KLF12: variants seen among roughly 807,000 people sequenced by gnomAD.
KLF12 encodes the protein KLF transcription factor 12, also known as Krueppel-like factor 12.
Under a neutral mutation model 37.8 loss-of-function variants are expected in KLF12, and 9 were observed. That is an observed-to-expected ratio of 0.24 (90% CI 0.14 to 0.42). KLF12 has a LOEUF of 0.42. Ranked by LOEUF, KLF12 falls within the 10% of genes least tolerant of loss-of-function variation. The probability of loss-of-function intolerance (pLI) is 1.00; values close to 1 mark genes in which losing one functional copy is unlikely to be tolerated. For synonymous variants in KLF12, 208 were observed against 202.1 expected (o/e 1.03, Z -0.25); for missense variants, 411 against 516.0 (o/e 0.80, Z 1.97).
intron 1 of KLF12, among the ~76,000 whole-genome samples, chr13:74,065,388 G>T (rs1489574505): frequency 6.6e-6 from 1 of 152,166 alleles, no homozygotes; most frequent in Non-Finnish European, 1.5e-5. Context: ...AGACACTTGT[G>T]TAACTATGTC....
chr13:74,246,169 C>T, the KLF12 span, among the ~76,000 whole-genome samples: 2 of 152,268 alleles, frequency 1.3e-5, no homozygotes, highest in Admixed American at 6.5e-5. Context: ...AATTTCAGAT[C>T]GGCTTCTGTT....
At position 73,828,073 on chromosome 13, in the gene KLF12, G is replaced by GT. The variant is rs373909952; in HGVS notation, c.671-14787dup. 2.9e-4 allele frequency among the ~76,000 whole-genome samples: 44 copies of GT among 150,318 alleles called. 1 individual carries two copies. Among genetic ancestry groups the GT allele is most frequent in the African/African-American group, 5.6e-4 (23 of 40,956 alleles). On this transcript the variant is annotated intron_variant, in intron 4 of 7. Transcript: ENST00000377669. ...CTCAGTCAATGTATGTCTGAATTTT[G>GT]TTTTTTTTTAATTTCACTCTTAATG...
intron 4 of KLF12, among the ~76,000 whole-genome samples, chr13:73,830,550 A>T (rs1287541167): frequency 1.3e-5 from 2 of 152,226 alleles, no homozygotes; most frequent in African/African-American, 4.8e-5. Context: ...CTGTAATGTT[A>T]TAATGATTAT....
intron 6 of KLF12, among the ~76,000 whole-genome samples, chr13:73,730,019 C>A (rs1471097354): frequency 6.6e-6 from 1 of 152,136 alleles, no homozygotes; most frequent in African/African-American, 2.4e-5. Context: ...GTTCTCAGAA[C>A]GACCTTGGCC....
At chr13:73,816,592 T>C (rs1352012541) in intron 4 of KLF12, among the ~76,000 whole-genome samples, 1 of 152,214 alleles carries the variant, frequency 6.6e-6, no homozygotes, top group Admixed American at 6.5e-5. Flanking sequence ...TACTCTCCTA[T>C]GGTAGATTGT....
At chr13:74,170,801 G>T in the KLF12 span, among the ~76,000 whole-genome samples, 2 of 152,150 alleles carry the variant, frequency 1.3e-5, no homozygotes, top group Non-Finnish European at 2.9e-5. Context: ...GTCTCACTCT[G>T]TCACTCAGGC....
At chr13:74,246,325 C>T in the KLF12 span, among the ~76,000 whole-genome samples, 2 of 152,126 alleles carry the variant, frequency 1.3e-5, no homozygotes, top group Admixed American at 1.3e-4. Context: ...AGGTGGGTGG[C>T]TCCCATTGAA....
intron 3 of KLF12, among the ~76,000 whole-genome samples, chr13:73,885,480 C>A (rs1887177502): frequency 1.3e-5 from 2 of 152,222 alleles, no homozygotes; most frequent in South Asian, 2.1e-4. Flanking sequence ...CCTCCAGACC[C>A]ATCTTCTGCA....
chr13:74,072,364 A>AATAT (rs773653636), intron 1 of KLF12, among the ~76,000 whole-genome samples: 4,188 of 62,384 alleles, frequency 0.067, 224 homozygotes, highest in Non-Finnish European at 0.082. Context: ...AAGAAATACA[A>AATAT]ATATATATAT....
intron 1 of KLF12, among the ~76,000 whole-genome samples, chr13:74,112,149 T>G: frequency 6.6e-6 from 1 of 152,126 alleles, no homozygotes; most frequent in Non-Finnish European, 1.5e-5. Context: ...TCCCAAAGAA[T>G]AGTTTTTACA....
chr13:74,271,947 A>G, the KLF12 span, among the ~76,000 whole-genome samples: 2 of 152,168 alleles, frequency 1.3e-5, no homozygotes, highest in Admixed American at 1.3e-4. Context: ...TTTATAAAAA[A>G]CTTTCTGAAA....
intron 3 of KLF12, among the ~76,000 whole-genome samples, chr13:73,894,739 G>C (rs950030878): frequency 1.3e-5 from 2 of 152,072 alleles, no homozygotes; most frequent in African/African-American, 2.4e-5. Flanking sequence ...GAGGTTGTTG[G>C]CTTATCTTCT....
chr13:74,036,142 C>G (rs141671638), intron 1 of KLF12, among the ~76,000 whole-genome samples: 5 of 152,274 alleles, frequency 3.3e-5, no homozygotes, highest in African/African-American at 1.2e-4. Context: ...ACCACCCACT[C>G]TCTAAGTCTT....
At chr13:74,247,591 G>A in the KLF12 span, among the ~76,000 whole-genome samples, 3 of 152,190 alleles carry the variant, frequency 2.0e-5, no homozygotes, top group Admixed American at 2.0e-4. Context: ...AAACCAAGGT[G>A]TAAGAAATTA....
chr13:74,250,055 G>A, the KLF12 span, among the ~76,000 whole-genome samples: 2 of 152,276 alleles, frequency 1.3e-5, no homozygotes, highest in Admixed American at 1.3e-4. Flanking sequence ...TACATCTGAG[G>A]TCCTCATTTT....
At chr13:73,784,259 T>G (rs1449011038) in intron 5 of KLF12, among the ~76,000 whole-genome samples, 1 of 152,172 alleles carries the variant, frequency 6.6e-6, no homozygotes, top group Non-Finnish European at 1.5e-5. Context: ...ACTGTCTCTC[T>G]CATTATATCA....
intron 1 of KLF12, among the ~76,000 whole-genome samples, chr13:74,082,857 C>T (rs1398589659): frequency 1.3e-5 from 2 of 152,074 alleles, no homozygotes; most frequent in East Asian, 1.9e-4. Context: ...GGGAGGCACA[C>T]TGACAGACCT....
At chr13:73,990,714 T>C (rs1891945714) in intron 2 of KLF12, among the ~76,000 whole-genome samples, 1 of 152,150 alleles carries the variant, frequency 6.6e-6, no homozygotes. Flanking sequence ...TTTTTTTAAT[T>C]AACTGTTAAT....
the KLF12 span, among the ~76,000 whole-genome samples, chr13:74,268,069 C>T: frequency 6.6e-6 from 1 of 152,128 alleles, no homozygotes; most frequent in African/African-American, 2.4e-5. Context: ...GACTTCTGGA[C>T]CCCGGAACTG....
Sources: gnomAD v4.1 joint callset for allele counts (sites outside exome capture counted in the v4.1 genomes callset) on GRCh38, gnomAD v4.1.1 for gene constraint, MANE v1.5 for transcripts, NCBI Gene and HGNC (gene_info 2026-07-23, HGNC 2026-07-21) for gene names.